MYO1H: variants seen among roughly 807,000 people sequenced by gnomAD.
MYO1H encodes myosin IH.
MYO1H carries 118 observed loss-of-function variants against 149.3 expected under a neutral mutation model. That is an observed-to-expected ratio of 0.79 (90% CI 0.68 to 0.92). The LOEUF (loss-of-function observed/expected upper bound fraction) is 0.92. MYO1H is among the 40% of genes least tolerant of loss of function. The pLI is 0.00. For synonymous variants in MYO1H, 447 were observed against 465.2 expected, an observed-to-expected ratio of 0.96 and a Z score of 0.50; for missense variants, 1,212 against 1,280.7, an observed-to-expected ratio of 0.95 and a Z score of 0.82.
intron 26 of MYO1H, 24 bp downstream of exon 26, chr12:109,441,732 T>C: frequency 1.9e-6 from 3 of 1,543,920 alleles, no homozygotes; most frequent in Non-Finnish European, 2.7e-6. Flanking sequence ...CCAGCCTATG[T>C]ACTTGGCTTT....
chr12:109,402,537 G>C (rs535650943), intron 6 of MYO1H, among the ~76,000 whole-genome samples: 25 of 152,316 alleles, frequency 1.6e-4, no homozygotes, highest in African/African-American at 5.1e-4. Context: ...GGAGGCCAAG[G>C]CAGGAGGATC....
chr12:109,326,716 C>T, the MYO1H span, among the ~76,000 whole-genome samples: 2 of 151,808 alleles, frequency 1.3e-5, no homozygotes, highest in East Asian at 1.9e-4. Flanking sequence ...CATGGGGTTT[C>T]GCCACGTTGC....
At chr12:109,361,014 A>C (rs1296203129) in intron 1 of MYO1H, among the ~76,000 whole-genome samples, 1 of 152,212 alleles carries the variant, frequency 6.6e-6, no homozygotes, top group Non-Finnish European at 1.5e-5. Flanking sequence ...TCCAGATAAA[A>C]TAAGGCTTCT....
chr12:109,321,174 C>A, the MYO1H span, among the ~76,000 whole-genome samples: 9 of 152,072 alleles, frequency 5.9e-5, no homozygotes, highest in Admixed American at 2.6e-4. Flanking sequence ...CTAAGAATAC[C>A]ACACACAATA....
chr12:109,331,155 C>G, the MYO1H span, among the ~76,000 whole-genome samples: 1 of 152,252 alleles, frequency 6.6e-6, no homozygotes, highest in African/African-American at 2.4e-5. Context: ...TCATCATTAT[C>G]CTGATGTTGC....
At chr12:109,346,486 C>T (rs545095829), upstream of MYO1H, among the ~76,000 whole-genome samples, 47 of 152,278 alleles carry the variant, frequency 3.1e-4, no homozygotes, top group South Asian at 1.0e-3. Flanking sequence ...ATAGGCCAGG[C>T]GCGATGGCCC....
At chr12:109,321,920 C>A in the MYO1H span, among the ~76,000 whole-genome samples, 1 of 151,992 alleles carries the variant, frequency 6.6e-6, no homozygotes, top group Non-Finnish European at 1.5e-5. Flanking sequence ...CCCTTATGAC[C>A]ACTCTCACCT....
At chr12:109,346,910 A>C (rs556501893), upstream of MYO1H, among the ~76,000 whole-genome samples, 8 of 152,344 alleles carry the variant, frequency 5.3e-5, no homozygotes, top group African/African-American at 1.9e-4. Context: ...ACAAAAATGG[A>C]ATCATTTCTT....
upstream of MYO1H, chr12:109,347,867 T>A: frequency 2.5e-6 from 1 of 398,926 alleles, no homozygotes; most frequent in Non-Finnish European, 4.4e-6. Context: ...TGTTGCTGGA[T>A]GTCAGGCATC....
At chr12:109,335,981 C>T in the MYO1H span, among the ~76,000 whole-genome samples, 6 of 152,090 alleles carry the variant, frequency 3.9e-5, no homozygotes, top group African/African-American at 1.4e-4. Context: ...CTTCAATCCT[C>T]TCCTTTTTCT....
intron 10 of MYO1H, among the ~76,000 whole-genome samples, chr12:109,408,554 T>C (rs1327679967): frequency 6.6e-6 from 1 of 152,174 alleles, no homozygotes; most frequent in Non-Finnish European, 1.5e-5. Flanking sequence ...CGAAAAAATA[T>C]AGCCCTTGAA....
At chr12:109,427,351 A>G in intron 18 of MYO1H, 118 bp from the exon 19 acceptor site, 1 of 627,890 alleles carries the variant, frequency 1.6e-6, no homozygotes, top group East Asian at 2.7e-5. Context: ...AGACCTCACG[A>G]AATGAGTCTG....
chr12:109,414,361 C>T (rs1870808362), intron 14 of MYO1H, among the ~76,000 whole-genome samples: 2 of 151,530 alleles, frequency 1.3e-5, no homozygotes, highest in Admixed American at 1.3e-4. Flanking sequence ...CCTGTAATCC[C>T]AGCTACTCAG....
At chr12:109,346,464 A>G (rs534233118), upstream of MYO1H, among the ~76,000 whole-genome samples, 1 of 152,224 alleles carries the variant, frequency 6.6e-6, no homozygotes, top group South Asian at 2.1e-4. Flanking sequence ...GCAAAAATGT[A>G]TGAAGAATCA....
intron 22 of MYO1H, among the ~76,000 whole-genome samples, chr12:109,436,989 C>A (rs10850137): frequency 2.0e-5 from 3 of 152,022 alleles, no homozygotes; most frequent in South Asian, 2.1e-4. Context: ...CCTGTAGTCC[C>A]AGCTACTTGG....
chr12:109,439,929 C>A (rs758897361), intron 24 of MYO1H, 139 bp downstream of exon 24: 7 of 753,020 alleles, frequency 9.3e-6, no homozygotes, highest in Non-Finnish European at 1.5e-5. Context: ...GGATGCTGCA[C>A]AAGAAATTGA....
intron 1 of MYO1H, among the ~76,000 whole-genome samples, chr12:109,353,393 CAAAAAAAAA>C (rs55927192): frequency 7.6e-5 from 6 of 79,298 alleles, no homozygotes; most frequent in South Asian, 1.3e-3. Context: ...GACTCCGTCT[CAAAAAAAAA>C]AAAAAAAAAA....
chr12:109,331,607 G>T, the MYO1H span, among the ~76,000 whole-genome samples: 7 of 152,140 alleles, frequency 4.6e-5, no homozygotes, highest in Non-Finnish European at 1.0e-4. Flanking sequence ...CTTCGGGAGC[G>T]GTAGCTTTCA....
the MYO1H span, among the ~76,000 whole-genome samples, chr12:109,333,388 G>A: frequency 6.6e-6 from 1 of 152,016 alleles, no homozygotes; most frequent in Non-Finnish European, 1.5e-5. Context: ...CCTCTCTGAG[G>A]ACTCATGGTG....
Sources: gnomAD v4.1 joint callset for allele counts (sites outside exome capture counted in the v4.1 genomes callset) on GRCh38, gnomAD v4.1.1 for gene constraint, MANE v1.5 for transcripts, NCBI Gene and HGNC (gene_info 2026-07-23, HGNC 2026-07-21) for gene names.